ZNF420: variants seen among roughly 807,000 people sequenced by gnomAD.
ZNF420 encodes zinc finger protein 420.
Under a neutral mutation model 44.7 loss-of-function variants are expected in ZNF420, and 31 were observed. The observed-to-expected ratio is 0.69, with a 90% CI of 0.52 to 0.94. The LOEUF (loss-of-function observed/expected upper bound fraction) is 0.94, where lower values mean the gene tolerates loss of function less well. Ranked by LOEUF, ZNF420 falls within the 40% of genes least tolerant of loss-of-function variation. The pLI, the probability that ZNF420 is intolerant of heterozygous loss-of-function variation, is 0.00. For missense variants in ZNF420, 681 were observed against 827.9 expected (o/e 0.82, Z 2.18); for synonymous variants, 245 against 267.4 (o/e 0.92, Z 0.82).
intron 1 of ZNF420, among the ~76,000 whole-genome samples, chr19:37,028,625 G>C (rs1216013133): frequency 6.6e-6 from 1 of 152,128 alleles, no homozygotes; most frequent in African/African-American, 2.4e-5. Context: ...TTTTTCTCTT[G>C]AGGATCTCTA....
intron 1 of ZNF420, among the ~76,000 whole-genome samples, chr19:37,057,332 C>T (rs779593285): frequency 8.5e-5 from 13 of 152,164 alleles, no homozygotes; most frequent in Non-Finnish European, 1.8e-4. Context: ...GCCTGTGTGT[C>T]CATAGGCTCC....
intron 1 of ZNF420, among the ~76,000 whole-genome samples, chr19:37,021,309 C>T (rs2074646700): frequency 6.6e-6 from 1 of 151,886 alleles, no homozygotes; most frequent in African/African-American, 2.4e-5. Context: ...CTCTTGTTGC[C>T]CAGGCTGGAG....
At chr19:37,078,210 G>A (rs192560525), upstream of ZNF420, 3 of 152,572 alleles carry the variant, frequency 2.0e-5, no homozygotes, top group Admixed American at 1.3e-4. Flanking sequence ...GCGCGGGCGG[G>A]CGGGCACTCC....
At chr19:37,087,802 C>T (rs537700572) in intron 2 of ZNF420, among the ~76,000 whole-genome samples, 1 of 152,316 alleles carries the variant, frequency 6.6e-6, no homozygotes, top group East Asian at 1.9e-4. Context: ...CTCGCCACCA[C>T]ACCCGGCTAA....
At chr19:37,066,340 G>A (rs796973564) in intron 1 of ZNF420, among the ~76,000 whole-genome samples, 18 of 152,170 alleles carry the variant, frequency 1.2e-4, no homozygotes, top group African/African-American at 3.9e-4. Flanking sequence ...CTACTCAGGA[G>A]GCTGAGACAG....
Position 37,129,225 on chromosome 19 carries a change from G to A in ZNF420, c.*167G>A. 1.2e-6 allele frequency: 1 copy of A among 828,138 alleles called. No homozygotes were observed. The highest frequency in any genetic ancestry group is 1.8e-6 in the Non-Finnish European group (1 of 540,776). The allele number at this position is 828,138 out of a possible 1,614,324, so 51.3% of individuals were successfully genotyped here. A position where few individuals can be genotyped will look rare whatever the true frequency, so the allele number is the denominator to read the frequency against. ...ATTCATATAGAAAAACATCATTACT[G>A]GAAACCTATTAAACATTAGCAAATT... On this transcript the variant is annotated 3_prime_UTR_variant, in exon 5 of 5. Coordinates refer to ENST00000337995, the MANE Select transcript of ZNF420 (RefSeq NM_144689.5).
At chr19:37,041,090 G>T (rs758861442) in intron 1 of ZNF420, among the ~76,000 whole-genome samples, 1 of 151,914 alleles carries the variant, frequency 6.6e-6, no homozygotes, top group African/African-American at 2.4e-5. Context: ...TTGGGAGGCC[G>T]AGGTGGGAGG....
intron 4 of ZNF420, among the ~76,000 whole-genome samples, chr19:37,093,414 T>C (rs1278015521): frequency 6.6e-6 from 1 of 152,002 alleles, no homozygotes; most frequent in Non-Finnish European, 1.5e-5. Flanking sequence ...GTAGAGATGG[T>C]ATTTCACCTT....
At chr19:37,073,941 AAAT>A (rs746928018), upstream of ZNF420, among the ~76,000 whole-genome samples, 1 of 152,104 alleles carries the variant, frequency 6.6e-6, no homozygotes, top group Non-Finnish European at 1.5e-5. Flanking sequence ...TTTGGACAAA[AAAT>A]AAAAATCCAT....
chr19:37,072,292 T>C (rs760068007), intron 1 of ZNF420, among the ~76,000 whole-genome samples: 3 of 152,144 alleles, frequency 2.0e-5, no homozygotes, highest in Non-Finnish European at 4.4e-5. Flanking sequence ...ATTTCCATGG[T>C]TGTCAGGGAA....
At chr19:37,103,147 T>G (rs1355995157) in intron 4 of ZNF420, among the ~76,000 whole-genome samples, 1 of 152,114 alleles carries the variant, frequency 6.6e-6, no homozygotes, top group African/African-American at 2.4e-5. Flanking sequence ...TTAGCTGATT[T>G]CTTGGGATTT....
chr19:37,061,459 T>G (rs1967879008), intron 1 of ZNF420, among the ~76,000 whole-genome samples: 1 of 152,216 alleles, frequency 6.6e-6, no homozygotes, highest in Non-Finnish European at 1.5e-5. Context: ...TTATAGCCAT[T>G]GCAGTGTGGT....
At chr19:37,009,161 C>T (rs1192990403) in intron 1 of ZNF420, among the ~76,000 whole-genome samples, 3 of 152,182 alleles carry the variant, frequency 2.0e-5, no homozygotes, top group Non-Finnish European at 4.4e-5. Context: ...CCTGGGTGGA[C>T]TGCCTCCCAG....
chr19:37,057,059 A>T (rs1015139219), intron 1 of ZNF420, among the ~76,000 whole-genome samples: 1 of 152,172 alleles, frequency 6.6e-6, no homozygotes, highest in African/African-American at 2.4e-5. Context: ...TTGCCTGAGT[A>T]ACCACTCCCT....
chr19:37,049,861 A>G (rs1199873484), intron 1 of ZNF420, among the ~76,000 whole-genome samples: 1 of 152,224 alleles, frequency 6.6e-6, no homozygotes, highest in African/African-American at 2.4e-5. Flanking sequence ...CTAACATTTA[A>G]GTCTTCAATC....
intron 1 of ZNF420, among the ~76,000 whole-genome samples, chr19:37,031,883 C>G (rs962165604): frequency 2.6e-5 from 4 of 152,184 alleles, no homozygotes; most frequent in African/African-American, 9.7e-5. Context: ...TTAAGATTCA[C>G]ACTTAGCTTT....
At chr19:37,084,218 G>T (rs1159037848) in intron 2 of ZNF420, among the ~76,000 whole-genome samples, 3 of 152,152 alleles carry the variant, frequency 2.0e-5, no homozygotes, top group African/African-American at 7.2e-5. Context: ...TATTTTGTTT[G>T]TAGGTTATAT....
intron 4 of ZNF420, among the ~76,000 whole-genome samples, chr19:37,120,982 AAC>A (rs1173997805): frequency 3.2e-4 from 48 of 152,098 alleles, no homozygotes; most frequent in Non-Finnish European, 5.4e-4. Context: ...AGAGGATACA[AAC>A]AAATGGAAGA....
At chr19:37,097,222 C>T (rs975377357) in intron 4 of ZNF420, among the ~76,000 whole-genome samples, 4 of 152,076 alleles carry the variant, frequency 2.6e-5, no homozygotes, top group African/African-American at 9.7e-5. Flanking sequence ...AGCAATTTCT[C>T]AGTACATTTT....
Sources: allele counts gnomAD v4.1 joint callset (sites outside exome capture counted in the v4.1 genomes callset), GRCh38; gene constraint gnomAD v4.1.1; transcripts MANE v1.5; gene names NCBI Gene and HGNC (gene_info 2026-07-23, HGNC 2026-07-21).